Variants in PKD1L3 observed in about 807,000 individuals in gnomAD.
The protein encoded by PKD1L3 is polycystin-1-like protein 3.
In PKD1L3, 239 loss-of-function variants were observed where a neutral mutation model predicts 184.1. The observed-to-expected ratio is 1.30, with a 90% CI of 1.17 to 1.45. The LOEUF is 1.45. PKD1L3 is among the 40% of genes most tolerant of loss of function. The pLI is 0.00. For synonymous variants in PKD1L3, 996 were observed against 778.8 expected (o/e 1.28, Z -4.64); for missense variants, 2,660 against 2,067.2 (o/e 1.29, Z -5.56).
At position 71,953,090 on chromosome 16, in the gene PKD1L3, C is replaced by A; in HGVS notation, c.2813G>T (p.Arg938Leu). The A allele has an allele frequency of 6.9e-7, 1 of 1,447,910 alleles. No individual in the cohort carries two copies. Among genetic ancestry groups the A allele is most frequent in the South Asian group, 1.5e-5 (1 of 68,048 alleles). The allele number at this position is 1,447,910 out of a possible 1,614,324, so 89.7% of individuals were successfully genotyped here. Residue 938 changes from arginine (R) to leucine (L), a missense_variant, in exon 18 of 30, where the codon CGT (arginine) becomes CTT (leucine). Physicochemically the swap from Arg to Leu is moderately radical, Grantham distance 102. Transcript: ENST00000620267. ...TTCAGACCAGGCCACAGCAAATGGA[C>A]GCACTGAAAGAAAAGCATGACATCA... ...STTAKRDEQM[R>L]PFAVAWSELL...
At chr16:71,974,105 A>G (rs1191449269) in intron 11 of PKD1L3, among the ~76,000 whole-genome samples, 1 of 152,244 alleles carries the variant, frequency 6.6e-6, no homozygotes, top group African/African-American at 2.4e-5. Flanking sequence ...TGAAATGAGC[A>G]CATATCTAAG....
chr16:71,968,659 A>G (rs2039591953), intron 13 of PKD1L3, among the ~76,000 whole-genome samples: 1 of 152,140 alleles, frequency 6.6e-6, no homozygotes, highest in African/African-American at 2.4e-5. Flanking sequence ...GCAGTGGTTC[A>G]TTCTTGGCTC....
intron 11 of PKD1L3, among the ~76,000 whole-genome samples, chr16:71,975,260 G>A (rs910466831): frequency 1.4e-5 from 2 of 146,498 alleles, no homozygotes; most frequent in Admixed American, 7.0e-5. Context: ...GTCTCGCTCT[G>A]TTGCCCAGGC....
intron 5 of PKD1L3, among the ~76,000 whole-genome samples, chr16:71,985,346 G>A (rs2040315423): frequency 6.6e-6 from 1 of 152,104 alleles, no homozygotes; most frequent in Admixed American, 6.6e-5. Context: ...ATATAAACAG[G>A]GCTCGTTTGA....
At chr16:71,983,659 CTTTCTTTTTTT>C (rs1222687425) in intron 6 of PKD1L3, among the ~76,000 whole-genome samples, 10 of 92,434 alleles carry the variant, frequency 1.1e-4, no homozygotes, top group South Asian at 4.2e-4. Flanking sequence ...TCCAGATTCT[CTTTCTTTTTTT>C]TTTTTTTTTT....
chr16:71,990,313 T>C lies in PKD1L3; in HGVS notation c.552A>G (p.Pro184=), dbSNP rs1425388208. Residue 184 remains proline, a synonymous_variant, in exon 4 of 30, where the codon CCA becomes CCG. Transcript: ENST00000620267. ...DKMPPGPGHL[P]TTCHYPLPAH... is the part of the protein sequence containing the mutation. ...CAGGAAGAGGATAGTGACATGTGGT[T>C]GGAAGATGACCAGGTCCTATAGAAA... 12 of 1,548,512 alleles carry C rather than the reference T, an allele frequency of 7.7e-6. No individual in the cohort carries two copies. The highest frequency in any genetic ancestry group is 1.0e-5 in the Non-Finnish European group (12 of 1,144,542).
rs774578889 is a variant in PKD1L3 at position 71,942,978 on chromosome 16, T to C, written c.3906A>G (p.Ala1302=). ...LTLLMTAIYS[A]KNSNRFYLHQ... ...GGAGGTAAAATCTATTGGAGTTCTT[T>C]GCAGAGTAGATTGCAGTCATCAACA... The change falls in exon 24 of 30, where the codon GCA becomes GCG. Residue 1302 remains alanine, a synonymous_variant. Coordinates refer to ENST00000620267, the MANE Select transcript of PKD1L3 (RefSeq NM_181536.2). The C allele has an allele frequency of 1.9e-6, 3 of 1,551,476 alleles. No homozygotes were observed. The highest frequency in any genetic ancestry group is 1.4e-5 in the African/African-American group (1 of 73,018).
At chr16:71,933,330 G>A (rs1423232463) in intron 28 of PKD1L3, 90 bp downstream of exon 28, 1 of 922,816 alleles carries the variant, frequency 1.1e-6, no homozygotes, top group Non-Finnish European at 1.7e-6. Flanking sequence ...AGTGTGCAGT[G>A]TACAGTAGGG....
intron 21 of PKD1L3, among the ~76,000 whole-genome samples, chr16:71,948,313 C>T (rs948913950): frequency 1.3e-5 from 2 of 152,284 alleles, no homozygotes; most frequent in Non-Finnish European, 2.9e-5. Context: ...AAACTCCTGA[C>T]CTCAGGTAAT....
At chr16:71,964,515 T>C (rs2039421204) in intron 15 of PKD1L3, among the ~76,000 whole-genome samples, 1 of 151,180 alleles carries the variant, frequency 6.6e-6, no homozygotes, top group Non-Finnish European at 1.5e-5. Context: ...GTTTTTGTAT[T>C]TTTAGTAGAG....
chr16:71,996,219 A>T (rs1238698371), intron 2 of PKD1L3, among the ~76,000 whole-genome samples: 2 of 146,560 alleles, frequency 1.4e-5, no homozygotes, highest in African/African-American at 5.1e-5. Context: ...TTCAATTGCT[A>T]TAAGAATCCC....
At chr16:71,966,221 G>A (rs557389852) in intron 15 of PKD1L3, among the ~76,000 whole-genome samples, 1 of 152,178 alleles carries the variant, frequency 6.6e-6, no homozygotes, top group African/African-American at 2.4e-5. Context: ...TAACTCCAAG[G>A]AACCAGTAAT....
intron 28 of PKD1L3, chr16:71,930,996 A>G (rs2037935323): frequency 6.6e-6 from 1 of 152,252 alleles, no homozygotes; most frequent in African/African-American, 2.4e-5. Flanking sequence ...CAGGTCAACC[A>G]GATAATGTGG....
intron 22 of PKD1L3, among the ~76,000 whole-genome samples, chr16:71,946,995 G>A (rs886735266): frequency 1.2e-4 from 18 of 151,420 alleles, no homozygotes; most frequent in Non-Finnish European, 1.8e-4. Flanking sequence ...GGTGGCTCAC[G>A]CCTGTAATCC....
intron 11 of PKD1L3, among the ~76,000 whole-genome samples, chr16:71,974,279 T>A (rs941794824): frequency 2.6e-5 from 4 of 152,184 alleles, no homozygotes. Context: ...CCAGTCTCTC[T>A]GGGCCTCAGC....
chr16:71,982,051 G>T lies in PKD1L3; in HGVS notation c.1143+8C>A. The T allele has an allele frequency of 6.5e-7, 1 of 1,536,828 alleles. No homozygotes were observed. Among genetic ancestry groups the T allele is most frequent in the Non-Finnish European group, 8.8e-7 (1 of 1,141,146 alleles). On this transcript the variant is annotated splice_region_variant and intron_variant, in intron 7 of 29. Transcript: ENST00000620267. ...GCAGATCTGGCCACCTGCATATCTG[G>T]CACCTACCGGCTCAGTATGACGCTT...
chr16:71,976,965 G>A (rs1015862232), intron 11 of PKD1L3, among the ~76,000 whole-genome samples: 7 of 152,054 alleles, frequency 4.6e-5, no homozygotes, highest in African/African-American at 7.2e-5. Flanking sequence ...GGATGGTCTC[G>A]ATCTCCTGAC....
chr16:71,932,650 T>C (rs571481412), intron 28 of PKD1L3, among the ~76,000 whole-genome samples: 71 of 152,160 alleles, frequency 4.7e-4, no homozygotes, highest in African/African-American at 1.4e-3. Flanking sequence ...GGCTAATTTT[T>C]GTGTTTTTAT....
chr16:71,929,895 G>T, intron 29 of PKD1L3, 157 bp downstream of exon 29: 1 of 1,060,762 alleles, frequency 9.4e-7, no homozygotes, highest in Non-Finnish European at 1.3e-6. Context: ...TTATAAATTG[G>T]GTTTCCTAGG....
Sources: gnomAD v4.1 joint callset for allele counts (sites outside exome capture counted in the v4.1 genomes callset) on GRCh38, gnomAD v4.1.1 for gene constraint, MANE v1.5 for transcripts, NCBI Gene and HGNC (gene_info 2026-07-23, HGNC 2026-07-21) for gene names.